SEC16B: variants seen among roughly 807,000 people sequenced by gnomAD.
SEC16B encodes protein transport protein Sec16B.
A neutral mutation model predicts 141.8 loss-of-function variants in SEC16B; 115 were observed. That is an observed-to-expected ratio of 0.81 (90% CI 0.70 to 0.95). The LOEUF (loss-of-function observed/expected upper bound fraction) is 0.95, where lower values mean the gene tolerates loss of function less well. SEC16B is among the 40% of genes least tolerant of loss of function. The pLI, the probability that SEC16B is intolerant of heterozygous loss-of-function variation, is 0.00. For missense variants in SEC16B, 1,291 were observed against 1,312.3 expected (o/e 0.98, Z 0.25); for synonymous variants, 493 against 492.5 (o/e 1.00, Z -0.01).
intron 11 of SEC16B, among the ~76,000 whole-genome samples, chr1:177,953,562 A>C (rs61816280): frequency 0.04 from 6,157 of 152,222 alleles, 153 homozygotes; most frequent in Middle Eastern, 0.061. Context: ...TTCTCCATCC[A>C]GCACCCCTAT....
intron 12 of SEC16B, among the ~76,000 whole-genome samples, chr1:177,951,356 T>C (rs1381484034): frequency 6.6e-6 from 1 of 152,192 alleles, no homozygotes; most frequent in Non-Finnish European, 1.5e-5. Flanking sequence ...AGGAATACTT[T>C]GGGGCCAAAA....
chr1:177,974,747 G>T (rs1041182629), upstream of SEC16B, among the ~76,000 whole-genome samples: 3 of 152,198 alleles, frequency 2.0e-5, no homozygotes, highest in Non-Finnish European at 4.4e-5. Context: ...GAAGAAAAGG[G>T]TTGGGGCTAC....
intron 20 of SEC16B, 84 bp from the exon 21 acceptor site, chr1:177,933,720 C>T: frequency 7.3e-7 from 1 of 1,368,412 alleles, no homozygotes; most frequent in Non-Finnish European, 1.0e-6. Flanking sequence ...ACCTGACCTG[C>T]TCAGAAGGCA....
At chr1:177,939,142 C>T (rs555704100) in intron 18 of SEC16B, among the ~76,000 whole-genome samples, 6 of 152,340 alleles carry the variant, frequency 3.9e-5, no homozygotes, top group Non-Finnish European at 8.8e-5. Flanking sequence ...GAGACGGGGG[C>T]CCTTTCCCGG....
At chr1:177,962,087 T>C (rs886109837) in intron 5 of SEC16B, among the ~76,000 whole-genome samples, 1 of 152,102 alleles carries the variant, frequency 6.6e-6, no homozygotes, top group Non-Finnish European at 1.5e-5. Context: ...AACAATTTTC[T>C]TTTTTGAGAC....
intron 3 of SEC16B, among the ~76,000 whole-genome samples, chr1:177,965,400 G>GCTGTGTGTGTGT (rs142278748): frequency 3.3e-5 from 5 of 151,120 alleles, no homozygotes; most frequent in African/African-American, 1.2e-4. Flanking sequence ...GATGGGGATT[G>GCTGTGTGTGTGT]GTGTGTGTGT....
In SEC16B at chr1:177,960,770, G is replaced by A. The variant is rs546968141; in HGVS notation, c.936+21C>T. On this transcript the variant is annotated intron_variant, in intron 7 of 25. Coordinates refer to ENST00000308284, the MANE Select transcript of SEC16B (RefSeq NM_033127.4). Reference sequence around the variant, plus strand: ...GGGTAAGCAGTGTGCCAGCATTCCAGGGACACTGGGTCTTCTTTACCTCCA... The same window carrying A: ...GGGTAAGCAGTGTGCCAGCATTCCAAGGACACTGGGTCTTCTTTACCTCCA... The A allele has an allele frequency of 2.1e-5, 33 of 1,594,242 alleles. 1 individual carries two copies. The South Asian group carries it at 3.4e-4, about 17-fold the overall frequency.
chr1:177,981,258 A>G (rs151022299), intron 1 of SEC16B, among the ~76,000 whole-genome samples: 1 of 152,152 alleles, frequency 6.6e-6, no homozygotes, highest in East Asian at 1.9e-4. Flanking sequence ...TTTATTTGCC[A>G]TGTGTGAGAC....
intron 1 of SEC16B, among the ~76,000 whole-genome samples, chr1:177,979,768 G>T (rs907576065): frequency 1.3e-5 from 2 of 152,200 alleles, no homozygotes; most frequent in Non-Finnish European, 2.9e-5. Flanking sequence ...AAGGCAAGGA[G>T]GAGCAAGTCA....
At chr1:177,942,112 C>T in intron 15 of SEC16B, 72 bp from the exon 16 acceptor site, 1 of 1,475,082 alleles carries the variant, frequency 6.8e-7, no homozygotes. Flanking sequence ...ATAGATAAGA[C>T]TTCTTGGAAG....
rs61635250 is a variant in SEC16B at position 177,949,383 on chromosome 1, AACACACACACACAC to A, written c.1546-1455_1546-1442del. Among the ~76,000 whole-genome samples, 967 of 136,838 alleles carry A rather than the reference AACACACACACACAC, an allele frequency of 7.1e-3. 15 individuals carry two copies. The East Asian group carries it at 0.089, about 13-fold the overall frequency. 89.8% of individuals were successfully genotyped at this position (136,838 alleles called of 152,430 possible). A position where few individuals can be genotyped will look rare whatever the true frequency, so the allele number is the denominator to read the frequency against. ...CAAAAGGGAAGGAAATCCCTTGCTA[AACACACACACACAC>A]ACACACACACACACACACACACACA... On this transcript the variant is annotated intron_variant, in intron 12 of 25. Coordinates refer to ENST00000308284, the MANE Select transcript of SEC16B (RefSeq NM_033127.4).
chr1:177,943,798 G>A (rs1047586167), intron 15 of SEC16B, among the ~76,000 whole-genome samples: 47 of 152,246 alleles, frequency 3.1e-4, no homozygotes, highest in South Asian at 1.2e-3. Context: ...AAACTAACTC[G>A]ATTTCATGCC....
At chr1:177,946,022 C>T (rs1033738538) in intron 14 of SEC16B, 6 of 388,324 alleles carry the variant, frequency 1.5e-5, no homozygotes, top group African/African-American at 1.2e-4. Flanking sequence ...CTTCCATTTT[C>T]CAGTTTTGCC....
intron 16 of SEC16B, among the ~76,000 whole-genome samples, 192 bp from the exon 17 acceptor site, chr1:177,940,906 C>T (rs181188332): frequency 4.4e-4 from 67 of 152,250 alleles, no homozygotes; most frequent in African/African-American, 1.6e-3. Context: ...CCCAAAATTG[C>T]AACATAAATA....
At position 177,933,197 on chromosome 1, in the gene SEC16B, C is replaced by G. The variant is rs761888233; in HGVS notation, c.2823+17G>C. 9.6e-6 allele frequency: 15 copies of G among 1,554,674 alleles called. No homozygotes were observed. The highest frequency in any genetic ancestry group is 1.2e-5 in the Non-Finnish European group (14 of 1,147,130). On this transcript the variant is annotated intron_variant, in intron 22 of 25. Coordinates refer to ENST00000308284, the MANE Select transcript of SEC16B (RefSeq NM_033127.4). The stretch of plus-strand genomic sequence containing the variant: ...GACCCACAGAGAGGGGCATCCTCCC[C>G]CTCCCACAGAGCCTACCTCAGAGTC...
At chr1:177,976,250 G>T (rs1347872958) in intron 1 of SEC16B, among the ~76,000 whole-genome samples, 1 of 152,112 alleles carries the variant, frequency 6.6e-6, no homozygotes, top group Non-Finnish European at 1.5e-5. Flanking sequence ...TTCCTTATTA[G>T]CCCTAGGCTG....
intron 4 of SEC16B, 61 bp downstream of exon 4, chr1:177,964,986 T>G: frequency 1.9e-6 from 3 of 1,588,758 alleles, no homozygotes; most frequent in Non-Finnish European, 2.6e-6. Flanking sequence ...CCAGAAGATT[T>G]GCCCGACATA....
rs565635207 is a variant in SEC16B, at chr1:177,962,167, G to A, written c.643-433C>T. On this transcript the variant is annotated intron_variant, in intron 5 of 25. Transcript: ENST00000308284. ...CGGCTCACTGCAACCTCCACCTCCTGGGTTCAAGCGATTCTTCTGCCTCAG... is the reference window on the plus strand; with the variant it reads ...CGGCTCACTGCAACCTCCACCTCCTAGGTTCAAGCGATTCTTCTGCCTCAG... 1.6e-4 allele frequency among the ~76,000 whole-genome samples: 24 copies of A among 152,154 alleles called. 1 individual carries two copies. The South Asian group carries it at 4.4e-3, about 28-fold the overall frequency.
At position 177,960,805 on chromosome 1, in the gene SEC16B, G is replaced by A. The variant is rs7413442; in HGVS notation, c.922C>T (p.Leu308=). 0.19 allele frequency: 300,467 copies of A among 1,605,858 alleles called. 33,056 individuals carry two copies. The highest frequency in any genetic ancestry group is 0.52 in the African/African-American group (38,558 of 74,680). Residue 308 remains leucine, a synonymous_variant, in exon 7 of 26, where the codon CTG becomes TTG. Coordinates refer to ENST00000308284, the MANE Select transcript of SEC16B (RefSeq NM_033127.4). ...GTCTTCTTTACCTCCATGCTGTGCA[G>A]TTCAACAAGGGCTGCTTGCCCGTCA... ...PTDGQAALVE[L]HSMEVILNDS... is the part of the protein sequence containing the mutation.
Sources: gnomAD v4.1 joint callset for allele counts (sites outside exome capture counted in the v4.1 genomes callset) on GRCh38, gnomAD v4.1.1 for gene constraint, MANE v1.5 for transcripts, NCBI Gene and HGNC (gene_info 2026-07-23, HGNC 2026-07-21) for gene names.